The following STRN variants were observed in gnomAD, a reference collection of about 807,000 sequenced individuals.
The protein encoded by STRN is striatin, also known as protein phosphatase 2 regulatory subunit B'''alpha.
In STRN, 53 loss-of-function variants were observed where a neutral mutation model predicts 96.3. The ratio of observed to expected loss-of-function variants is 0.55; its 90% CI spans 0.44 to 0.69. The LOEUF (loss-of-function observed/expected upper bound fraction) is 0.69, where lower values mean the gene tolerates loss of function less well. Ranked by LOEUF, STRN falls within the 30% of genes least tolerant of loss-of-function variation. STRN has a pLI of 0.00. For missense variants in STRN, 987 were observed against 963.9 expected (o/e 1.02, Z -0.32); for synonymous variants, 428 against 355.9 (o/e 1.20, Z -2.28).
intron 1 of STRN, among the ~76,000 whole-genome samples, chr2:36,940,356 A>G (rs1670814383): frequency 6.6e-6 from 1 of 152,230 alleles, no homozygotes; most frequent in Non-Finnish European, 1.5e-5. Context: ...AGGTTGATAA[A>G]GAACCATGAG....
rs149817334 is a variant in STRN at position 36,944,593 on chromosome 2, T to C, written c.235-19385A>G. On this transcript the variant is annotated intron_variant, in intron 1 of 17. Transcript: ENST00000263918. Reference sequence around the variant, plus strand: ...GATTTATCTTTAATAAAATTATCATTGTTTTCTGTTAAAACTGTAACACTA... The same window carrying C: ...GATTTATCTTTAATAAAATTATCATCGTTTTCTGTTAAAACTGTAACACTA... Among the ~76,000 whole-genome samples, 702 of 152,344 alleles carry C rather than the reference T, an allele frequency of 4.6e-3. 10 individuals carry two copies. Among genetic ancestry groups the C allele is most frequent in the African/African-American group, 0.016 (676 of 41,582 alleles).
In STRN at chr2:36,847,894, T is replaced by C. The variant is rs1186408764; in HGVS notation, c.*1562A>G. The C allele has an allele frequency of 6.6e-6, 1 of 152,236 alleles. No homozygotes were observed. Among genetic ancestry groups the C allele is most frequent in the Non-Finnish European group, 1.5e-5 (1 of 68,044 alleles). 9.4% of individuals were successfully genotyped at this position (152,236 alleles called of 1,614,324 possible). A position where few individuals can be genotyped will look rare whatever the true frequency, so the allele number is the denominator to read the frequency against. On this transcript the variant is annotated 3_prime_UTR_variant, in exon 18 of 18. Transcript: ENST00000263918. ...TTGTTTTAATTGGTTAAAATATCTA[T>C]AGATTTAATATTTTTAAAATCTAAG...
At chr2:36,907,163 A>G (rs1669841828) in intron 3 of STRN, among the ~76,000 whole-genome samples, 1 of 152,216 alleles carries the variant, frequency 6.6e-6, no homozygotes, top group Non-Finnish European at 1.5e-5. Context: ...TCAGCCCTTG[A>G]TCAAACTCTA....
intron 1 of STRN, among the ~76,000 whole-genome samples, chr2:36,949,992 GA>G (rs1049373181): frequency 1.3e-5 from 2 of 152,094 alleles, no homozygotes; most frequent in African/African-American, 4.8e-5. Flanking sequence ...AAGATCACAA[GA>G]GACTGAGAAA....
At chr2:36,931,124 C>T (rs574022985) in intron 1 of STRN, among the ~76,000 whole-genome samples, 4 of 151,820 alleles carry the variant, frequency 2.6e-5, no homozygotes, top group Non-Finnish European at 4.4e-5. Flanking sequence ...TGTGAGCTAT[C>T]GCGTCCAGCC....
intron 1 of STRN, among the ~76,000 whole-genome samples, chr2:36,942,100 G>A (rs1165009378): frequency 6.6e-6 from 1 of 152,104 alleles, no homozygotes; most frequent in Non-Finnish European, 1.5e-5. Flanking sequence ...TGCTGGGAAT[G>A]GGGAAAAGAC....
At chr2:36,856,910 C>T (rs184016005) in intron 14 of STRN, among the ~76,000 whole-genome samples, 27 of 152,242 alleles carry the variant, frequency 1.8e-4, no homozygotes, top group Admixed American at 1.2e-3. Flanking sequence ...AAACATGCCT[C>T]CTGTCCCTTT....
chr2:36,859,927 G>C (rs951303693), intron 13 of STRN, among the ~76,000 whole-genome samples: 5 of 152,192 alleles, frequency 3.3e-5, no homozygotes, highest in African/African-American at 1.2e-4. Context: ...AATGTAGACA[G>C]ATGAAGCACA....
At chr2:36,902,054 T>C (rs1223915469) in intron 5 of STRN, among the ~76,000 whole-genome samples, 5 of 152,212 alleles carry the variant, frequency 3.3e-5, no homozygotes, top group East Asian at 1.9e-4. Flanking sequence ...TCATATGTAA[T>C]TGTATGATAC....
intron 9 of STRN, among the ~76,000 whole-genome samples, chr2:36,878,865 G>A (rs62132536): frequency 2.0e-3 from 310 of 151,832 alleles, no homozygotes; most frequent in Non-Finnish European, 3.2e-3. Context: ...AAATTCTCCT[G>A]CCTCAGCCTC....
At chr2:36,858,290 G>C (rs948889005) in intron 13 of STRN, among the ~76,000 whole-genome samples, 1 of 151,462 alleles carries the variant, frequency 6.6e-6, no homozygotes, top group Non-Finnish European at 1.5e-5. Context: ...CCTTCCTTTT[G>C]TCCTTCCATT....
intron 13 of STRN, among the ~76,000 whole-genome samples, chr2:36,859,230 G>C (rs1047495974): frequency 6.6e-6 from 1 of 152,090 alleles, no homozygotes; most frequent in African/African-American, 2.4e-5. Flanking sequence ...AGGTAAGCTT[G>C]GTAGTAGTAC....
intron 1 of STRN, among the ~76,000 whole-genome samples, chr2:36,944,999 CAA>C (rs1283209984): frequency 6.6e-6 from 1 of 152,022 alleles, no homozygotes; most frequent in East Asian, 1.9e-4. Flanking sequence ...AGTACTTAGT[CAA>C]ATCAAGTGTA....
chr2:36,861,869 C>T (rs1668495583), intron 12 of STRN, among the ~76,000 whole-genome samples: 1 of 152,152 alleles, frequency 6.6e-6, no homozygotes, highest in Non-Finnish European at 1.5e-5. Context: ...TATTCCCTCA[C>T]TCAGGAAAAA....
In STRN at chr2:36,869,412, A is replaced by G. The variant is rs1009837942; in HGVS notation, c.1499+142T>C. On this transcript the variant is annotated intron_variant, in intron 11 of 17. Transcript: ENST00000263918. ...ACCTAGCATTAGGTTGTATAAATGG[A>G]AAAACACAATAAATTACATGACATG... 1.2e-5 allele frequency: 10 copies of G among 857,360 alleles called. No homozygotes were observed. In the African/African-American group the frequency reaches 1.6e-4, roughly 13 times the overall value. 53.1% of individuals were successfully genotyped at this position (857,360 alleles called of 1,614,324 possible).
In STRN at chr2:36,950,028, G is replaced by A. The variant is rs932511459; in HGVS notation, c.234+16202C>T. 4.6e-5 allele frequency among the ~76,000 whole-genome samples: 7 copies of A among 152,020 alleles called. No homozygotes were observed. The South Asian group carries it at 1.5e-3, about 32-fold the overall frequency. On this transcript the variant is annotated intron_variant, in intron 1 of 17. Transcript: ENST00000263918. ...ATGAGTAACCAAAAGCAGAAAAAGA[G>A]AAAGACAACAAAGGAACAGAGAGAG...
intron 1 of STRN, among the ~76,000 whole-genome samples, chr2:36,927,405 A>G (rs2148234051): frequency 6.6e-6 from 1 of 151,632 alleles, no homozygotes; most frequent in South Asian, 2.1e-4. Flanking sequence ...GCTACTTGGG[A>G]GGCTGAGGCA....
chr2:36,944,088 C>A lies in STRN; in HGVS notation c.235-18880G>T, dbSNP rs146630954. On this transcript the variant is annotated intron_variant, in intron 1 of 17. Coordinates refer to ENST00000263918, the MANE Select transcript of STRN (RefSeq NM_003162.4). ...TGAGCCAAGATCTCGCCATTGCACT[C>A]CAACCTGGGCAACAAGAGTGAAACG... is the stretch of plus-strand genomic sequence containing the variant. 3.5e-3 allele frequency among the ~76,000 whole-genome samples: 539 copies of A among 152,178 alleles called. 5 individuals carry two copies. The highest frequency in any genetic ancestry group is 0.012 in the African/African-American group (508 of 41,504).
intron 6 of STRN, among the ~76,000 whole-genome samples, chr2:36,895,481 CAAACAAACAAA>C (rs1669514731): frequency 6.6e-6 from 1 of 152,020 alleles, no homozygotes; most frequent in African/African-American, 2.4e-5. Flanking sequence ...ATCTATTAGA[CAAACAAACAAA>C]AAAAGCAAGA....
Sources: allele counts gnomAD v4.1 joint callset (sites outside exome capture counted in the v4.1 genomes callset), GRCh38; gene constraint gnomAD v4.1.1; transcripts MANE v1.5; gene names NCBI Gene and HGNC (gene_info 2026-07-23, HGNC 2026-07-21).